NHSL1: variants seen among roughly 807,000 people sequenced by gnomAD.
The protein encoded by NHSL1 is NHS like 1.
A neutral mutation model predicts 95.0 loss-of-function variants in NHSL1; 48 were observed. That is an observed-to-expected ratio of 0.51 (90% CI 0.40 to 0.64). The LOEUF (loss-of-function observed/expected upper bound fraction) is 0.64, where lower values mean the gene tolerates loss of function less well. Ranked by LOEUF, NHSL1 falls within the 30% of genes least tolerant of loss-of-function variation. The pLI is 0.00. For missense variants in NHSL1, 1,971 were observed against 2,077.7 expected (o/e 0.95, Z 1.00); for synonymous variants, 783 against 833.9 (o/e 0.94, Z 1.05).
chr6:138,564,938 G>A (rs140475144), intron 1 of NHSL1, among the ~76,000 whole-genome samples: 24 of 152,284 alleles, frequency 1.6e-4, no homozygotes, highest in Non-Finnish European at 2.8e-4. Flanking sequence ...GGAACGGGAG[G>A]TGCCAGTTTC....
chr6:138,558,079 G>A (rs1057332218), intron 1 of NHSL1, among the ~76,000 whole-genome samples: 1 of 152,126 alleles, frequency 6.6e-6, no homozygotes, highest in African/African-American at 2.4e-5. Context: ...TAGTCTATAT[G>A]ATCACAATTT....
At chr6:138,639,134 T>C (rs761443590) in intron 1 of NHSL1, among the ~76,000 whole-genome samples, 60 of 152,332 alleles carry the variant, frequency 3.9e-4, no homozygotes, top group East Asian at 1.7e-3. Flanking sequence ...CTTGAAGGAA[T>C]GTATTATTTT....
At chr6:138,596,206 C>T (rs1784301620) in intron 1 of NHSL1, among the ~76,000 whole-genome samples, 1 of 152,170 alleles carries the variant, frequency 6.6e-6, no homozygotes, top group African/African-American at 2.4e-5. Flanking sequence ...CCTAGACACG[C>T]TGCTGAAACC....
chr6:138,595,991 A>T (rs563921222), intron 1 of NHSL1, among the ~76,000 whole-genome samples: 28 of 152,282 alleles, frequency 1.8e-4, no homozygotes, highest in Non-Finnish European at 1.5e-5. Flanking sequence ...CCCAACCCCA[A>T]GAGAAAAAAA....
At chr6:138,642,223 AT>A (rs1784968393) in intron 1 of NHSL1, among the ~76,000 whole-genome samples, 1 of 152,202 alleles carries the variant, frequency 6.6e-6, no homozygotes, top group Non-Finnish European at 1.5e-5. Flanking sequence ...AAAATTAAAA[AT>A]TAAAATTTTT....
chr6:138,590,915 A>T (rs1784214593), intron 1 of NHSL1, among the ~76,000 whole-genome samples: 1 of 152,246 alleles, frequency 6.6e-6, no homozygotes, highest in African/African-American at 2.4e-5. Context: ...TCTCAAAAAT[A>T]TGCTGGAACA....
At chr6:138,590,157 C>T (rs1784203274) in intron 1 of NHSL1, among the ~76,000 whole-genome samples, 1 of 152,160 alleles carries the variant, frequency 6.6e-6, no homozygotes, top group South Asian at 2.1e-4. Flanking sequence ...ATCACCATGC[C>T]TGGCTAATTT....
At chr6:138,448,528 C>A in intron 3 of NHSL1, among the ~76,000 whole-genome samples, 1 of 152,162 alleles carries the variant, frequency 6.6e-6, no homozygotes, top group East Asian at 1.9e-4. Context: ...CACATACCCC[C>A]AAACGAGGGT....
intron 1 of NHSL1, among the ~76,000 whole-genome samples, chr6:138,608,092 G>A (rs1784458846): frequency 6.6e-6 from 1 of 152,186 alleles, no homozygotes. Flanking sequence ...GCAACAGTGA[G>A]CCCCAACAAA....
At chr6:138,677,040 T>C (rs1785458190) in intron 1 of NHSL1, among the ~76,000 whole-genome samples, 1 of 152,230 alleles carries the variant, frequency 6.6e-6, no homozygotes, top group Non-Finnish European at 1.5e-5. Context: ...AGCTAACTGA[T>C]GGACAGGTTA....
chr6:138,473,556 T>C, intron 2 of NHSL1, 123 bp from the exon 3 acceptor site: 1 of 1,127,130 alleles, frequency 8.9e-7, no homozygotes, highest in Non-Finnish European at 1.1e-6. Flanking sequence ...ATTAATAGGA[T>C]TTTAAAATAA....
At chr6:138,464,222 G>A (rs1020377623) in intron 3 of NHSL1, 20 of 789,824 alleles carry the variant, frequency 2.5e-5, no homozygotes, top group Middle Eastern at 3.7e-4. Context: ...GCTGCTGGCC[G>A]CCAGCTTGGC....
intron 2 of NHSL1, among the ~76,000 whole-genome samples, chr6:138,475,233 T>A (rs944074510): frequency 6.6e-6 from 1 of 152,082 alleles, no homozygotes; most frequent in African/African-American, 2.4e-5. Flanking sequence ...CTTCTTTTTT[T>A]TTTTGAGACA....
chr6:138,460,754 T>TA (rs976948455), intron 3 of NHSL1, among the ~76,000 whole-genome samples: 35 of 151,872 alleles, frequency 2.3e-4, no homozygotes, highest in Admixed American at 2.0e-3. Flanking sequence ...AAAAATGTGT[T>TA]AGAGATTTCC....
At position 138,430,316 on chromosome 6, in the gene NHSL1, G is replaced by A. The variant is rs1473758963; in HGVS notation, c.3952+77C>T. The A allele has an allele frequency of 6.4e-6, 9 of 1,408,892 alleles. No individual in the cohort carries two copies. The highest frequency in any genetic ancestry group is 6.5e-6 in the Non-Finnish European group (7 of 1,076,862). 87.3% of individuals were successfully genotyped at this position (1,408,892 alleles called of 1,614,324 possible). A position where few individuals can be genotyped will look rare whatever the true frequency, so the allele number is the denominator to read the frequency against. On this transcript the variant is annotated intron_variant, in intron 6 of 7. Coordinates refer to ENST00000343505, the MANE Select transcript of NHSL1 (RefSeq NM_001144060.2). The surrounding 1 kb of genome is among the most constrained non-coding windows in gnomAD (Gnocchi z 4.7). ...CTACCTGGGTTCTTTCCACGTGTGA[G>A]CATTCAACAACCCTATCTGGTTCAG...
intron 2 of NHSL1, among the ~76,000 whole-genome samples, chr6:138,482,183 T>C (rs1328910438): frequency 6.6e-6 from 1 of 152,116 alleles, no homozygotes; most frequent in Non-Finnish European, 1.5e-5. Flanking sequence ...GCGTGGTGGC[T>C]CACGCCTGTA....
chr6:138,658,857 T>C (rs1046189536), intron 1 of NHSL1, among the ~76,000 whole-genome samples: 2 of 152,106 alleles, frequency 1.3e-5, no homozygotes, highest in Admixed American at 6.5e-5. Context: ...TGGACTTTTC[T>C]TACGTTTTGT....
intron 1 of NHSL1, among the ~76,000 whole-genome samples, chr6:138,519,053 C>A (rs4895531): frequency 0.27 from 41,161 of 149,738 alleles, 6,029 homozygotes; most frequent in Middle Eastern, 0.48. Flanking sequence ...TAAATAAATA[C>A]ATACATACAT....
intron 1 of NHSL1, among the ~76,000 whole-genome samples, chr6:138,527,074 A>G (rs1781935122): frequency 1.3e-5 from 2 of 152,212 alleles, no homozygotes; most frequent in South Asian, 2.1e-4. Context: ...GCGTTTAAAC[A>G]AGAAAGCAAA....
Sources: gnomAD v4.1 joint callset for allele counts (sites outside exome capture counted in the v4.1 genomes callset) on GRCh38, gnomAD v4.1.1 for gene constraint, Gnocchi (gnomAD v3.1) non-coding constraint, MANE v1.5 for transcripts, NCBI Gene and HGNC (gene_info 2026-07-23, HGNC 2026-07-21) for gene names.